Variants in ZNF254 observed in about 807,000 individuals in gnomAD.
ZNF254 encodes the protein zinc finger protein 254.
A neutral mutation model predicts 12.4 loss-of-function variants in ZNF254; 10 were observed. The observed-to-expected ratio is 0.80, with a 90% confidence interval of 0.50 to 1.36. The LOEUF is 1.36. Among genes scored for constraint, ZNF254 ranks in the 40% most tolerant of loss-of-function variants. The pLI, the probability that ZNF254 is intolerant of heterozygous loss-of-function variation, is 0.00. For synonymous variants in ZNF254, 305 were observed against 253.4 expected (o/e 1.20, Z -1.93); for missense variants, 996 against 763.9 (o/e 1.30, Z -3.58).
intron 2 of ZNF254, among the ~76,000 whole-genome samples, chr19:24,067,362 G>A (rs1473094663): frequency 6.6e-6 from 1 of 151,642 alleles, no homozygotes; most frequent in Non-Finnish European, 1.5e-5. Flanking sequence ...TGGTCATTGT[G>A]ACATATCTAT....
chr19:24,090,414 GT>G (rs767483062), intron 1 of ZNF254, among the ~76,000 whole-genome samples: 2 of 152,082 alleles, frequency 1.3e-5, no homozygotes, highest in Non-Finnish European at 2.9e-5. Context: ...TCTTGAAAAG[GT>G]TTTTTCACTT....
chr19:24,094,762 C>G (rs1382692849), intron 1 of ZNF254, among the ~76,000 whole-genome samples: 1 of 152,082 alleles, frequency 6.6e-6, no homozygotes, highest in African/African-American at 2.4e-5. Context: ...TCTCGGCGCT[C>G]TGCAGCCTCC....
At chr19:24,098,479 A>G (rs1972800916) in intron 1 of ZNF254, 1 of 152,236 alleles carries the variant, frequency 6.6e-6, no homozygotes, top group South Asian at 2.1e-4. Flanking sequence ...TTTGCCTTCA[A>G]TGGCTAGATG....
At chr19:24,117,043 ATTC>A (rs1242139605) in intron 3 of ZNF254, among the ~76,000 whole-genome samples, 2 of 152,102 alleles carry the variant, frequency 1.3e-5, no homozygotes, top group African/African-American at 4.8e-5. Context: ...CTGTCTGATC[ATTC>A]TTCTGGAAGT....
Position 24,127,962 on chromosome 19 carries a change from A to G in ZNF254, c.1962A>G (p.Arg654=). 1.3e-6 allele frequency: 2 copies of G among 1,560,036 alleles called. No individual in the cohort carries two copies. The highest frequency in any genetic ancestry group is 8.6e-7 in the Non-Finnish European group (1 of 1,158,792). Residue 654 remains arginine, a synonymous_variant, in exon 4 of 4, where the codon AGA becomes AGG. Coordinates refer to ENST00000357002, the MANE Select transcript of ZNF254 (RefSeq NM_203282.4). ...HLTTDKITHW[R]EILQV ...CCACAGATAAGATAACTCATTGGAG[A>G]GAAATCTTACAAGTATGAATAATGT...
intron 2 of ZNF254, among the ~76,000 whole-genome samples, chr19:24,067,935 T>G (rs1167553451): frequency 1.3e-5 from 2 of 152,196 alleles, no homozygotes; most frequent in Non-Finnish European, 2.9e-5. Flanking sequence ...CATCAGCCTG[T>G]ACCCTGCCAC....
intron 2 of ZNF254, among the ~76,000 whole-genome samples, chr19:24,061,696 T>C (rs1273099897): frequency 1.3e-5 from 2 of 152,132 alleles, no homozygotes; most frequent in Non-Finnish European, 2.9e-5. Context: ...GTAACATATA[T>C]CTCGGCCCAG....
chr19:24,054,974 G>T (rs1290026170), intron 2 of ZNF254, among the ~76,000 whole-genome samples: 1 of 151,882 alleles, frequency 6.6e-6, no homozygotes, highest in Non-Finnish European at 1.5e-5. Context: ...GGAGGCCGAG[G>T]TGGGTGAAAC....
chr19:24,124,897 G>A (rs1285974758), intron 3 of ZNF254, among the ~76,000 whole-genome samples: 1 of 151,932 alleles, frequency 6.6e-6, no homozygotes, highest in African/African-American at 2.4e-5. Flanking sequence ...CCTGGGTTCA[G>A]CCTCAGCCTC....
At chr19:24,083,386 A>G (rs79943938), upstream of ZNF254, among the ~76,000 whole-genome samples, 2,826 of 152,294 alleles carry the variant, frequency 0.019, 89 homozygotes, top group African/African-American at 0.064. Context: ...AAATCATATT[A>G]CCAAAAGCAA....
upstream of ZNF254, among the ~76,000 whole-genome samples, chr19:24,084,789 A>G (rs1361711286): frequency 1.4e-4 from 21 of 151,918 alleles, no homozygotes; most frequent in Admixed American, 1.4e-3. Context: ...CACCATGCTC[A>G]GTTAACTTTT....
At chr19:24,070,506 G>T (rs1971443809) in intron 2 of ZNF254, among the ~76,000 whole-genome samples, 1 of 152,176 alleles carries the variant, frequency 6.6e-6, no homozygotes, top group Non-Finnish European at 1.5e-5. Flanking sequence ...CACCTGTGAG[G>T]CTATGATTTT....
intron 1 of ZNF254, among the ~76,000 whole-genome samples, chr19:24,045,458 G>A (rs1488469580): frequency 5.9e-5 from 9 of 151,800 alleles, no homozygotes; most frequent in Middle Eastern, 3.4e-3. Context: ...TCACGAGGTC[G>A]GGAGATCGAG....
chr19:24,122,343 G>T (rs1974538422), intron 3 of ZNF254, among the ~76,000 whole-genome samples: 1 of 152,050 alleles, frequency 6.6e-6, no homozygotes, highest in African/African-American at 2.4e-5. Flanking sequence ...TCATGCCTCA[G>T]CCTCCTTAGT....
chr19:24,106,600 G>A lies in ZNF254; in HGVS notation c.210G>A (p.Glu70=), dbSNP rs1287516817. 2.5e-6 allele frequency: 4 copies of A among 1,585,360 alleles called. No homozygotes were observed. In the Admixed American group the frequency reaches 6.8e-5, roughly 27 times the overall value. The change falls in exon 3 of 4, where the codon GAG becomes GAA. Residue 70 remains glutamate, a synonymous_variant. Transcript: ENST00000357002. Reference sequence around the variant, plus strand: ...TCACCTGTCTGGAACAAGGGAAAGAGCCCTGGAATATGAAGCGACATGAGA... The same window carrying A: ...TCACCTGTCTGGAACAAGGGAAAGAACCCTGGAATATGAAGCGACATGAGA... ...DLITCLEQGK[E]PWNMKRHEMV...
chr19:24,115,010 A>G (rs1973943791), intron 3 of ZNF254, among the ~76,000 whole-genome samples: 1 of 152,294 alleles, frequency 6.6e-6, no homozygotes, highest in Non-Finnish European at 1.5e-5. Flanking sequence ...GCAATCATTA[A>G]AAAGTCAGGA....
intron 2 of ZNF254, among the ~76,000 whole-genome samples, chr19:24,068,962 CAG>C (rs1384786372): frequency 6.6e-6 from 1 of 152,098 alleles, no homozygotes; most frequent in East Asian, 1.9e-4. Flanking sequence ...TCGGGTGGCA[CAG>C]AGAGTGTCAT....
intron 1 of ZNF254, among the ~76,000 whole-genome samples, chr19:24,045,576 G>A (rs750391381): frequency 5.9e-5 from 9 of 151,360 alleles, no homozygotes; most frequent in Non-Finnish European, 1.2e-4. Flanking sequence ...GCTGAGGCAG[G>A]AGAATGGCGT....
At chr19:24,060,701 G>A (rs1971034159) in intron 2 of ZNF254, among the ~76,000 whole-genome samples, 1 of 152,088 alleles carries the variant, frequency 6.6e-6, no homozygotes, top group Admixed American at 6.6e-5. Flanking sequence ...ATGGCTTATT[G>A]TGACATCTCT....
Sources: allele counts gnomAD v4.1 joint callset (sites outside exome capture counted in the v4.1 genomes callset), GRCh38; gene constraint gnomAD v4.1.1; transcripts MANE v1.5; gene names NCBI Gene and HGNC (gene_info 2026-07-23, HGNC 2026-07-21).